PAK1: variants seen among roughly 807,000 people sequenced by gnomAD.
PAK1 encodes the protein serine/threonine-protein kinase PAK 1.
In PAK1, 29 loss-of-function variants were observed where a neutral mutation model predicts 67.4. That is an observed-to-expected ratio of 0.43 (90% CI 0.32 to 0.59). PAK1 has a LOEUF of 0.59. Ranked by LOEUF, PAK1 falls within the 20% of genes least tolerant of loss-of-function variation. PAK1 has a pLI of 0.07. For synonymous variants in PAK1, 223 were observed against 237.4 expected, an observed-to-expected ratio of 0.94 and a Z score of 0.56; for missense variants, 337 against 670.7, an observed-to-expected ratio of 0.50 and a Z score of 5.50.
At chr11:77,343,364 G>C (rs1943930270) in intron 10 of PAK1, among the ~76,000 whole-genome samples, 1 of 152,080 alleles carries the variant, frequency 6.6e-6, no homozygotes. Context: ...TCATTAAGCT[G>C]TGTTGAGTTT....
intron 11 of PAK1, 65 bp downstream of exon 11, chr11:77,340,581 G>A (rs1943447533): frequency 1.2e-6 from 1 of 820,928 alleles, no homozygotes; most frequent in Non-Finnish European, 2.2e-6. Flanking sequence ...ACTGTACAGG[G>A]AACTTCAGGA....
chr11:77,348,890 G>T (rs1185072627), intron 9 of PAK1, among the ~76,000 whole-genome samples: 1 of 152,074 alleles, frequency 6.6e-6, no homozygotes, highest in Admixed American at 6.6e-5. Context: ...TTGGGAGGCC[G>T]AGGCAGGAAG....
At chr11:77,329,011 T>C (rs921588130) in intron 14 of PAK1, 9 of 152,162 alleles carry the variant, frequency 5.9e-5, no homozygotes, top group African/African-American at 2.2e-4. Context: ...AACACCTCTA[T>C]GCAAATCAAC....
chr11:77,492,323 G>A, the PAK1 span, among the ~76,000 whole-genome samples: 5 of 149,158 alleles, frequency 3.4e-5, no homozygotes, highest in Admixed American at 6.7e-5. Context: ...CAACAAGAGC[G>A]AGACTCCATC....
chr11:77,522,777 T>C, the PAK1 span, among the ~76,000 whole-genome samples: 1 of 152,228 alleles, frequency 6.6e-6, no homozygotes, highest in South Asian at 2.1e-4. Context: ...ACTCATATGT[T>C]CATCATAGCA....
At chr11:77,378,374 CT>C (rs1255384454) in intron 4 of PAK1, among the ~76,000 whole-genome samples, 1 of 152,162 alleles carries the variant, frequency 6.6e-6, no homozygotes, top group Non-Finnish European at 1.5e-5. Context: ...AATATAGTCC[CT>C]TCTACCGAGG....
intron 1 of PAK1, among the ~76,000 whole-genome samples, chr11:77,443,586 T>C (rs1956460491): frequency 1.3e-5 from 2 of 152,148 alleles, no homozygotes; most frequent in African/African-American, 2.4e-5. Context: ...AATACTCCAT[T>C]TTACATACAG....
chr11:77,509,245 G>C, the PAK1 span, among the ~76,000 whole-genome samples: 3 of 151,628 alleles, frequency 2.0e-5, no homozygotes, highest in African/African-American at 7.3e-5. Flanking sequence ...GCGACTGAGC[G>C]AGACTCCACC....
At chr11:77,367,117 T>C (rs1947701931) in intron 5 of PAK1, among the ~76,000 whole-genome samples, 1 of 152,234 alleles carries the variant, frequency 6.6e-6, no homozygotes, top group Admixed American at 6.5e-5. Flanking sequence ...AGTTTATTTA[T>C]ATAAAATGTC....
intron 1 of PAK1, among the ~76,000 whole-genome samples, chr11:77,414,132 A>G (rs562289344): frequency 1.3e-5 from 2 of 152,364 alleles, no homozygotes; most frequent in East Asian, 1.9e-4. Context: ...GGCAAGTCAC[A>G]TTAAAGGCTT....
intron 2 of PAK1, among the ~76,000 whole-genome samples, chr11:77,391,941 G>A (rs569429749): frequency 6.6e-6 from 1 of 152,192 alleles, no homozygotes; most frequent in African/African-American, 2.4e-5. Context: ...ATAAAGAAAA[G>A]GCAATCAAGA....
chr11:77,465,842 C>T (rs911911638), intron 1 of PAK1, among the ~76,000 whole-genome samples: 1 of 152,002 alleles, frequency 6.6e-6, no homozygotes, highest in African/African-American at 2.4e-5. Flanking sequence ...CCCAGCTACT[C>T]GGAGACTAAA....
chr11:77,357,929 CA>C lies in PAK1; in HGVS notation c.597+968del, dbSNP rs61640661. ...GTTTTAAATGAACATGTCTACAAAC[CA>C]AAAAAAACCATATCAGTGTTAACGA... On this transcript the variant is annotated intron_variant, in intron 6 of 14. Coordinates refer to ENST00000356341, the MANE Select transcript of PAK1 (RefSeq NM_002576.5). Among the ~76,000 whole-genome samples, 286 of 151,340 alleles carry C rather than the reference CA, an allele frequency of 1.9e-3. 1 individual carries two copies. Among genetic ancestry groups the C allele is most frequent in the Non-Finnish European group, 3.0e-3 (203 of 67,740 alleles).
At position 77,353,741 on chromosome 11, in the gene PAK1, C is replaced by G. The variant is rs1472502113; in HGVS notation, c.773-142G>C. 2.3e-5 allele frequency: 15 copies of G among 655,332 alleles called. No homozygotes were observed. The East Asian group carries it at 4.0e-4, about 18-fold the overall frequency. The allele number at this position is 655,332 out of a possible 1,614,324, so 40.6% of individuals were successfully genotyped here. A position where few individuals can be genotyped will look rare whatever the true frequency, so the allele number is the denominator to read the frequency against. On this transcript the variant is annotated intron_variant, in intron 7 of 14. Transcript: ENST00000356341. ...AAAAGCATGCTAAACAGGCCCTCAG[C>G]TTTTCCCCCATAAGTCTCAACCAAA...
chr11:77,432,349 T>A (rs866318943), intron 1 of PAK1, among the ~76,000 whole-genome samples: 1 of 152,204 alleles, frequency 6.6e-6, no homozygotes, highest in African/African-American at 2.4e-5. Flanking sequence ...CTAAACTGAA[T>A]GCTTTCTCCC....
chr11:77,389,829 C>T (rs1950907248), intron 2 of PAK1, among the ~76,000 whole-genome samples: 1 of 152,058 alleles, frequency 6.6e-6, no homozygotes, highest in African/African-American at 2.4e-5. Flanking sequence ...CCGGATGATG[C>T]CCTTTGAAAC....
chr11:77,490,579 T>A, the PAK1 span, among the ~76,000 whole-genome samples: 195 of 151,200 alleles, frequency 1.3e-3, no homozygotes, highest in African/African-American at 4.6e-3. Context: ...CCGCCCCTAC[T>A]GGGAAGTGAG....
chr11:77,494,279 T>G, the PAK1 span, among the ~76,000 whole-genome samples: 1 of 152,244 alleles, frequency 6.6e-6, no homozygotes, highest in Non-Finnish European at 1.5e-5. Flanking sequence ...AACTGAATAC[T>G]ATGCAGGCAT....
intron 1 of PAK1, among the ~76,000 whole-genome samples, chr11:77,462,191 C>T (rs1238665949): frequency 1.1e-4 from 16 of 151,968 alleles, no homozygotes; most frequent in Non-Finnish European, 2.9e-5. Flanking sequence ...ATTAGCCAGG[C>T]GTGGTGGCGG....
Sources: allele counts gnomAD v4.1 joint callset (sites outside exome capture counted in the v4.1 genomes callset), GRCh38; gene constraint gnomAD v4.1.1; transcripts MANE v1.5; gene names NCBI Gene and HGNC (gene_info 2026-07-23, HGNC 2026-07-21).